The following CLEC16A variants were observed in gnomAD, a reference collection of about 807,000 sequenced individuals.
CLEC16A encodes C-type lectin domain containing 16A.
Under a neutral mutation model 109.5 loss-of-function variants are expected in CLEC16A, and 51 were observed. The observed-to-expected ratio is 0.47, with a 90% confidence interval of 0.37 to 0.59. The LOEUF (loss-of-function observed/expected upper bound fraction) is 0.59, where lower values mean the gene tolerates loss of function less well. Ranked by LOEUF, CLEC16A falls within the 20% of genes least tolerant of loss-of-function variation. The pLI is 0.00. For missense variants in CLEC16A, 1,339 were observed against 1,394.0 expected, an observed-to-expected ratio of 0.96 and a Z score of 0.63; for synonymous variants, 673 against 564.2, an observed-to-expected ratio of 1.19 and a Z score of -2.73.
chr16:11,140,180 G>A (rs898023705), intron 22 of CLEC16A, among the ~76,000 whole-genome samples: 1 of 152,204 alleles, frequency 6.6e-6, no homozygotes, highest in African/African-American at 2.4e-5. Context: ...GTGCCCCTTT[G>A]TTGTGGCTTT....
intron 2 of CLEC16A, among the ~76,000 whole-genome samples, chr16:10,962,113 A>G (rs1214981326): frequency 6.7e-6 from 1 of 149,130 alleles, no homozygotes; most frequent in Non-Finnish European, 1.5e-5. Context: ...CCACCGCCTA[A>G]TTTTTTTTTT....
intron 11 of CLEC16A, among the ~76,000 whole-genome samples, chr16:11,014,674 C>T (rs1380407088): frequency 6.6e-6 from 1 of 152,172 alleles, no homozygotes; most frequent in Non-Finnish European, 1.5e-5. Context: ...CAGTCAGAGC[C>T]CCCTGGAAAT....
chr16:11,126,171 C>T (rs762528827), intron 22 of CLEC16A, 25 bp downstream of exon 22: 3 of 1,613,658 alleles, frequency 1.9e-6, no homozygotes, highest in Non-Finnish European at 2.5e-6. Context: ...CGCCCTGCGC[C>T]ACAGCTCGTT....
At chr16:11,156,298 AG>A (rs1277369922) in intron 22 of CLEC16A, among the ~76,000 whole-genome samples, 4 of 148,444 alleles carry the variant, frequency 2.7e-5, no homozygotes, top group Non-Finnish European at 4.5e-5. Flanking sequence ...TGAATGCGGG[AG>A]GCAGAGGTTG....
intron 23 of CLEC16A, among the ~76,000 whole-genome samples, chr16:11,171,605 A>G (rs546157803): frequency 1.4e-4 from 22 of 152,268 alleles, no homozygotes; most frequent in Non-Finnish European, 2.8e-4. Flanking sequence ...TGGAATCAGC[A>G]TTTTTTCCCC....
At chr16:11,128,530 C>T (rs558178719) in intron 22 of CLEC16A, among the ~76,000 whole-genome samples, 1 of 152,330 alleles carries the variant, frequency 6.6e-6, no homozygotes, top group South Asian at 2.1e-4. Context: ...CCTGACTGCC[C>T]CTGGAAGTGC....
intron 22 of CLEC16A, among the ~76,000 whole-genome samples, chr16:11,149,175 C>T (rs1405245552): frequency 1.3e-5 from 2 of 152,132 alleles, no homozygotes; most frequent in East Asian, 3.9e-4. Context: ...CACAAGTCAC[C>T]AGTGGTGGTG....
At chr16:11,146,035 A>G (rs1046964160) in intron 22 of CLEC16A, among the ~76,000 whole-genome samples, 7 of 152,086 alleles carry the variant, frequency 4.6e-5, no homozygotes, top group South Asian at 4.2e-4. Context: ...GTATGCTCCT[A>G]TTTGGAGGGC....
intron 16 of CLEC16A, among the ~76,000 whole-genome samples, chr16:11,046,062 C>T (rs1484461037): frequency 6.6e-6 from 1 of 152,146 alleles, no homozygotes; most frequent in Non-Finnish European, 1.5e-5. Flanking sequence ...GATACACCCT[C>T]ACTAGCAAAG....
intron 5 of CLEC16A, 46 bp downstream of exon 5, chr16:10,971,276 C>A: frequency 1.5e-6 from 2 of 1,378,182 alleles, no homozygotes; most frequent in Non-Finnish European, 1.0e-6. Flanking sequence ...TCTGACTTGG[C>A]AGCAAGCACT....
At chr16:11,156,461 C>T (rs1194697698) in intron 22 of CLEC16A, 3 of 488,454 alleles carry the variant, frequency 6.1e-6, no homozygotes, top group African/African-American at 4.0e-5. Flanking sequence ...CCATAGTGAC[C>T]CACCCTGCTC....
chr16:11,076,427 T>A (rs1192854648), intron 19 of CLEC16A, among the ~76,000 whole-genome samples: 1 of 150,926 alleles, frequency 6.6e-6, no homozygotes, highest in Non-Finnish European at 1.5e-5. Context: ...GGGAGTGGGG[T>A]TGAGGATTAA....
chr16:11,179,494 C>T lies in CLEC16A; in HGVS notation c.*804C>T, dbSNP rs201061862. 5 of 152,324 alleles carry T rather than the reference C, an allele frequency of 3.3e-5. No homozygotes were observed. The South Asian group carries it at 8.3e-4, about 25-fold the overall frequency. The allele number at this position is 152,324 out of a possible 1,614,324, so 9.4% of individuals were successfully genotyped here. On this transcript the variant is annotated 3_prime_UTR_variant, in exon 24 of 24. Transcript: ENST00000409790. The stretch of plus-strand genomic sequence containing the variant: ...TTTTCTGCTATAGCAGCCGAGAGGC[C>T]TCCCATCATGGAAAGATTTCTCCAG...
intron 13 of CLEC16A, among the ~76,000 whole-genome samples, chr16:11,031,226 C>T (rs1181776168): frequency 2.6e-5 from 4 of 152,196 alleles, no homozygotes; most frequent in Non-Finnish European, 5.9e-5. Flanking sequence ...GTCCCCAAGG[C>T]CATCTCTTCC....
intron 19 of CLEC16A, among the ~76,000 whole-genome samples, chr16:11,113,662 G>T (rs2051757621): frequency 6.6e-6 from 1 of 151,596 alleles, no homozygotes; most frequent in Non-Finnish European, 1.5e-5. Flanking sequence ...CTGTCTCAAA[G>T]AAAAAAAACA....
chr16:11,038,490 G>A (rs148423988), intron 13 of CLEC16A, among the ~76,000 whole-genome samples: 5 of 152,320 alleles, frequency 3.3e-5, no homozygotes, highest in Middle Eastern at 3.4e-3. Context: ...ACTCCAGGCA[G>A]GAACTGTTCT....
intron 22 of CLEC16A, among the ~76,000 whole-genome samples, chr16:11,166,169 G>T (rs2068252239): frequency 6.6e-6 from 1 of 152,244 alleles, no homozygotes; most frequent in Admixed American, 6.5e-5. Flanking sequence ...GTGGCTGGTT[G>T]TACTCTGTTC....
chr16:11,019,332 ATGC>A (rs2045954447), intron 11 of CLEC16A, among the ~76,000 whole-genome samples: 1 of 152,218 alleles, frequency 6.6e-6, no homozygotes, highest in African/African-American at 2.4e-5. Flanking sequence ...AATGCACACC[ATGC>A]TTAAGCTGAT....
At chr16:10,965,138 C>T (rs746344955) in intron 3 of CLEC16A, among the ~76,000 whole-genome samples, 1 of 152,140 alleles carries the variant, frequency 6.6e-6, no homozygotes, top group Non-Finnish European at 1.5e-5. Context: ...ATGCAGTATG[C>T]GTGGCTTTTC....
Sources: gnomAD v4.1 joint callset for allele counts (sites outside exome capture counted in the v4.1 genomes callset) on GRCh38, gnomAD v4.1.1 for gene constraint, MANE v1.5 for transcripts, NCBI Gene and HGNC (gene_info 2026-07-23, HGNC 2026-07-21) for gene names.